DENND4C: variants seen among roughly 807,000 people sequenced by gnomAD.
The protein encoded by DENND4C is DENN domain-containing protein 4C.
DENND4C carries 108 observed loss-of-function variants against 203.0 expected under a neutral mutation model. The ratio of observed to expected loss-of-function variants is 0.53; its 90% CI spans 0.46 to 0.62. The LOEUF (loss-of-function observed/expected upper bound fraction) is 0.62. Among genes scored for constraint, DENND4C ranks in the 20% least tolerant of loss-of-function variants. The pLI, the probability that DENND4C is intolerant of heterozygous loss-of-function variation, is 0.00. For missense variants in DENND4C, 2,481 were observed against 2,301.2 expected, an observed-to-expected ratio of 1.08 and a Z score of -1.60; for synonymous variants, 871 against 792.4, an observed-to-expected ratio of 1.10 and a Z score of -1.67.
At chr9:19,268,071 A>T in intron 1 of DENND4C, among the ~76,000 whole-genome samples, 1 of 147,224 alleles carries the variant, frequency 6.8e-6, no homozygotes, top group African/African-American at 2.5e-5. Context: ...CTTGCCTTTT[A>T]TGTTTTGTGT....
chr9:19,364,055 C>T (rs552495293), intron 30 of DENND4C, among the ~76,000 whole-genome samples: 4 of 152,142 alleles, frequency 2.6e-5, no homozygotes, highest in East Asian at 1.9e-4. Flanking sequence ...TGGTGGCTTA[C>T]GCCCGTAACC....
intron 1 of DENND4C, among the ~76,000 whole-genome samples, chr9:19,272,123 A>G (rs1166330897): frequency 1.3e-5 from 2 of 151,892 alleles, no homozygotes; most frequent in Non-Finnish European, 2.9e-5. Context: ...TTCTTTTTAA[A>G]TAAAAGAGAG....
intron 2 of DENND4C, among the ~76,000 whole-genome samples, chr9:19,280,621 C>T (rs1833859678): frequency 6.6e-6 from 1 of 151,674 alleles, no homozygotes; most frequent in Non-Finnish European, 1.5e-5. Flanking sequence ...TTGTGGTAAC[C>T]TCCATGTTAG....
chr9:19,370,198 C>G, intron 31 of DENND4C: 2 of 549,486 alleles, frequency 3.6e-6, no homozygotes, highest in South Asian at 2.0e-5. Context: ...TGGCTCACAC[C>G]TGTAATCCCA....
intron 23 of DENND4C, among the ~76,000 whole-genome samples, chr9:19,347,609 A>G (rs1563829042): frequency 6.6e-6 from 1 of 152,232 alleles, no homozygotes; most frequent in Non-Finnish European, 1.5e-5. Context: ...AAAACTATGC[A>G]TATTTGGTTT....
intron 1 of DENND4C, among the ~76,000 whole-genome samples, chr9:19,256,535 G>A (rs1399072511): frequency 2.6e-5 from 4 of 151,478 alleles, no homozygotes; most frequent in Non-Finnish European, 5.9e-5. Context: ...GGCTGGTCAC[G>A]AGCTCCCAAC....
intron 12 of DENND4C, among the ~76,000 whole-genome samples, chr9:19,317,330 A>C (rs1177823616): frequency 6.6e-6 from 1 of 151,838 alleles, no homozygotes; most frequent in Non-Finnish European, 1.5e-5. Context: ...AGATGTGTAC[A>C]CTTTTGGCTT....
intron 1 of DENND4C, among the ~76,000 whole-genome samples, 188 bp downstream of exon 1, chr9:19,231,021 C>A (rs79756616): frequency 6.6e-6 from 1 of 152,214 alleles, no homozygotes; most frequent in African/African-American, 2.4e-5. Flanking sequence ...CTAGTTTCTC[C>A]GCGGTTTCCG....
intron 9 of DENND4C, among the ~76,000 whole-genome samples, chr9:19,303,215 G>T (rs988222610): frequency 6.6e-6 from 1 of 152,110 alleles, no homozygotes. Context: ...TGCTCAAAAA[G>T]TGTTGGATTT....
intron 16 of DENND4C, among the ~76,000 whole-genome samples, chr9:19,328,377 C>G (rs1033401603): frequency 6.6e-6 from 1 of 152,190 alleles, no homozygotes; most frequent in Non-Finnish European, 1.5e-5. Flanking sequence ...CTTTCAGAGG[C>G]TGAGGTGAGC....
intron 2 of DENND4C, among the ~76,000 whole-genome samples, chr9:19,279,874 G>A (rs1833683160): frequency 6.7e-6 from 1 of 149,180 alleles, no homozygotes; most frequent in African/African-American, 2.5e-5. Context: ...AAAATTCCCA[G>A]AAACAATGGT....
chr9:19,270,464 G>A (rs538224184), intron 1 of DENND4C, among the ~76,000 whole-genome samples: 1 of 152,158 alleles, frequency 6.6e-6, no homozygotes, highest in Non-Finnish European at 1.5e-5. Context: ...TACTGTGGAT[G>A]AGCTCATACC....
At chr9:19,255,419 T>TAA (rs1215126620) in intron 1 of DENND4C, among the ~76,000 whole-genome samples, 46 of 102,906 alleles carry the variant, frequency 4.5e-4, no homozygotes, top group South Asian at 2.2e-3. Context: ...AAAAAAAATT[T>TAA]TTTTTTAATG....
chr9:19,280,035 A>G (rs910890773), intron 2 of DENND4C, among the ~76,000 whole-genome samples: 1 of 152,162 alleles, frequency 6.6e-6, no homozygotes, highest in Non-Finnish European at 1.5e-5. Flanking sequence ...TTTATAGAAT[A>G]AAATTATTGA....
At chr9:19,267,533 T>C (rs1311125853) in intron 1 of DENND4C, among the ~76,000 whole-genome samples, 1 of 152,132 alleles carries the variant, frequency 6.6e-6, no homozygotes, top group Admixed American at 6.6e-5. Context: ...AAAATTTTAC[T>C]TAAAGTTTTT....
In DENND4C at chr9:19,369,879, A is replaced by T; in HGVS notation, c.5567A>T (p.Glu1856Val). Residue 1856 changes from glutamate to valine, a missense_variant, in exon 31 of 33, where the codon GAA (glutamate) becomes GTA (valine). Glu to Val is a moderately radical substitution (Grantham distance 121, BLOSUM62 -2). Around this residue, in one of 3 missense-constraint regions of DENND4C, gnomAD observed 2,289 missense variants for 2,113.3 expected, o/e 1.08. Coordinates refer to ENST00000434457, the MANE Select transcript of DENND4C (RefSeq NM_001330640.2). ...KSSLLSEEQQ[E>V]TSTLVETIRQ... ...TCTCTCCTGTCAGAGGAACAACAAG[A>T]AACAAGCACTTTAGTAGAAACCATC... 6.2e-7 allele frequency: 1 copy of T among 1,612,510 alleles called. No individual in the cohort carries two copies.
In DENND4C at chr9:19,236,889, C is replaced by T. The variant is rs145233886; in HGVS notation, c.-18+6056C>T. Among the ~76,000 whole-genome samples, 319 of 152,342 alleles carry T rather than the reference C, an allele frequency of 2.1e-3. 3 individuals carry two copies. Among genetic ancestry groups the T allele is most frequent in the African/African-American group, 7.2e-3 (298 of 41,572 alleles). On this transcript the variant is annotated intron_variant, in intron 1 of 32. Transcript: ENST00000434457. ...TTTCTAAAAGATCATTTCTGGTCCC[C>T]AGTCACATTGTCTAGTTAGGGAGAT... is the stretch of plus-strand genomic sequence containing the variant.
chr9:19,287,507 A>G (rs1835429574), intron 3 of DENND4C, among the ~76,000 whole-genome samples: 1 of 151,888 alleles, frequency 6.6e-6, no homozygotes, highest in African/African-American at 2.4e-5. Flanking sequence ...TAGCCTCCCG[A>G]GTAGCTGGGA....
Position 19,276,246 on chromosome 9 carries a change from T to C in DENND4C, c.72T>C (p.Leu24=). The C allele has an allele frequency of 8.1e-7, 1 of 1,232,068 alleles. No individual in the cohort carries two copies. Among genetic ancestry groups the C allele is most frequent in the Middle Eastern group, 3.1e-4 (1 of 3,208 alleles). The allele number at this position is 1,232,068 out of a possible 1,614,324, so 76.3% of individuals were successfully genotyped here. ...CTGGTCTCACTGACACATCTACTCT[T>C]TTGGATCAAGAAATAAATCGTTTAG... ...VVAGLTDTST[L]LDQEINRLDT... The change falls in exon 2 of 33, where the codon CTT becomes CTC. Residue 24 remains leucine, a synonymous_variant. Coordinates refer to ENST00000434457, the MANE Select transcript of DENND4C (RefSeq NM_001330640.2).
Sources: gnomAD v4.1 joint callset for allele counts (sites outside exome capture counted in the v4.1 genomes callset) on GRCh38, gnomAD v4.1.1 for gene constraint, gnomAD v4.1.1 regional missense constraint, MANE v1.5 for transcripts, NCBI Gene and HGNC (gene_info 2026-07-23, HGNC 2026-07-21) for gene names.